ARHGAP42: variants seen among roughly 807,000 people sequenced by gnomAD.
ARHGAP42 encodes rho GTPase-activating protein 42.
ARHGAP42 carries 63 observed loss-of-function variants against 125.0 expected under a neutral mutation model. The observed-to-expected ratio is 0.50, with a 90% CI of 0.41 to 0.62. ARHGAP42 has a LOEUF of 0.62. Ranked by LOEUF, ARHGAP42 falls within the 20% of genes least tolerant of loss-of-function variation. The pLI, the probability that ARHGAP42 is intolerant of heterozygous loss-of-function variation, is 0.00. For synonymous variants in ARHGAP42, 339 were observed against 351.0 expected (o/e 0.97, Z 0.38); for missense variants, 766 against 1,024.2 (o/e 0.75, Z 3.44).
At chr11:100,910,937 A>G (rs1440493158) in intron 4 of ARHGAP42, among the ~76,000 whole-genome samples, 1 of 152,112 alleles carries the variant, frequency 6.6e-6, no homozygotes, top group Non-Finnish European at 1.5e-5. Context: ...TTGTATTGCC[A>G]GAAATGCTGA....
chr11:100,857,453 T>C (rs1002901196), intron 3 of ARHGAP42, among the ~76,000 whole-genome samples: 2 of 152,128 alleles, frequency 1.3e-5, no homozygotes, highest in African/African-American at 4.8e-5. Flanking sequence ...TCTTAGGATA[T>C]GACATCAGCC....
At chr11:100,824,321 T>C (rs1864464463) in intron 3 of ARHGAP42, among the ~76,000 whole-genome samples, 1 of 152,174 alleles carries the variant, frequency 6.6e-6, no homozygotes, top group East Asian at 1.9e-4. Context: ...AGTTTAATGA[T>C]GCTTGCTTTA....
chr11:100,959,538 C>A (rs7933033), intron 12 of ARHGAP42, among the ~76,000 whole-genome samples: 89,492 of 151,720 alleles, frequency 0.59, 27,177 homozygotes, highest in African/African-American at 0.68. Flanking sequence ...CTTTATAATA[C>A]AAGTTTCAAT....
At chr11:100,778,579 A>T (rs2135003748) in intron 2 of ARHGAP42, among the ~76,000 whole-genome samples, 1 of 151,542 alleles carries the variant, frequency 6.6e-6, no homozygotes, top group East Asian at 1.9e-4. Context: ...TTTTTAAACC[A>T]CCCTTATTTT....
chr11:100,923,176 C>T (rs1591298245), intron 6 of ARHGAP42, among the ~76,000 whole-genome samples: 2 of 152,106 alleles, frequency 1.3e-5, no homozygotes, highest in African/African-American at 4.8e-5. Flanking sequence ...TTGACTAAGT[C>T]CCACCCCAGA....
intron 5 of ARHGAP42, among the ~76,000 whole-genome samples, chr11:100,918,505 G>A (rs1867140177): frequency 6.6e-6 from 1 of 152,126 alleles, no homozygotes; most frequent in African/African-American, 2.4e-5. Context: ...CTCTCTTTCA[G>A]TTTTAAAATT....
At chr11:100,934,651 A>G (rs1010793769) in intron 7 of ARHGAP42, among the ~76,000 whole-genome samples, 2 of 152,360 alleles carry the variant, frequency 1.3e-5, no homozygotes, top group South Asian at 2.1e-4. Context: ...AGGTTTTACT[A>G]TAACTGAAAC....
chr11:100,982,293 A>G (rs1269199683), intron 22 of ARHGAP42, among the ~76,000 whole-genome samples: 1 of 152,174 alleles, frequency 6.6e-6, no homozygotes, highest in African/African-American at 2.4e-5. Context: ...GTTCACTGGA[A>G]TGGGAGGGAC....
At chr11:100,919,261 A>G (rs1470270280) in intron 5 of ARHGAP42, among the ~76,000 whole-genome samples, 1 of 152,182 alleles carries the variant, frequency 6.6e-6, no homozygotes, top group African/African-American at 2.4e-5. Flanking sequence ...CCCAAATTCC[A>G]AACTCCCAGA....
intron 2 of ARHGAP42, among the ~76,000 whole-genome samples, chr11:100,792,259 A>G (rs769204678): frequency 2.6e-5 from 4 of 152,240 alleles, no homozygotes; most frequent in Non-Finnish European, 4.4e-5. Flanking sequence ...GAAATTTAAT[A>G]AATAAAGGAT....
intron 5 of ARHGAP42, among the ~76,000 whole-genome samples, 176 bp from the exon 6 acceptor site, chr11:100,921,316 CTG>C (rs1209047980): frequency 8.4e-6 from 1 of 118,480 alleles, no homozygotes; most frequent in Non-Finnish European, 1.6e-5. Context: ...GTGTATGTGT[CTG>C]TGTGTGTGAG....
intron 4 of ARHGAP42, among the ~76,000 whole-genome samples, chr11:100,893,715 A>G (rs1162125877): frequency 6.6e-6 from 1 of 152,128 alleles, no homozygotes; most frequent in African/African-American, 2.4e-5. Flanking sequence ...TATTAGTAAT[A>G]ATTAATTTTG....
At chr11:100,923,163 C>G (rs1246900642) in intron 6 of ARHGAP42, among the ~76,000 whole-genome samples, 1 of 152,108 alleles carries the variant, frequency 6.6e-6, no homozygotes, top group East Asian at 1.9e-4. Context: ...GTTCACCTTC[C>G]CATTGACTAA....
rs371476873 is a variant in ARHGAP42, at chr11:100,756,501, GATAAGAA to G, written c.155-13841_155-13835del. Among the ~76,000 whole-genome samples the G allele has an allele frequency of 4.6e-3, 706 of 152,280 alleles. 3 individuals are homozygous for G. Among genetic ancestry groups the G allele is most frequent in the African/African-American group, 0.016 (670 of 41,556 alleles). ...AATTTGTAGTATTTGTGGAACCGAT[GATAAGAA>G]GTTTTGAAGTAAGCCAAAAATGCTT... is the stretch of plus-strand genomic sequence containing the variant. On this transcript the variant is annotated intron_variant, in intron 1 of 23. Coordinates refer to ENST00000298815, the MANE Select transcript of ARHGAP42 (RefSeq NM_152432.4).
chr11:100,984,617 A>G lies in ARHGAP42; in HGVS notation c.2457-2896A>G, dbSNP rs999399742. ...ACACTGACCCAATCAAACTTTTGTT[A>G]AGTTTCCTCATTAAATGCATTAGAC... On this transcript the variant is annotated intron_variant, in intron 22 of 23. Coordinates refer to ENST00000298815, the MANE Select transcript of ARHGAP42 (RefSeq NM_152432.4). Among the ~76,000 whole-genome samples the G allele has an allele frequency of 5.9e-5, 9 of 152,018 alleles. No homozygotes were observed. In the East Asian group the frequency reaches 1.7e-3, roughly 29 times the overall value.
At chr11:100,853,493 A>G (rs545721583) in intron 3 of ARHGAP42, among the ~76,000 whole-genome samples, 1 of 152,322 alleles carries the variant, frequency 6.6e-6, no homozygotes, top group South Asian at 2.1e-4. Flanking sequence ...CAGAACAAGA[A>G]GAAGGATACA....
chr11:100,962,640 G>T (rs970296891), intron 16 of ARHGAP42, among the ~76,000 whole-genome samples, 173 bp downstream of exon 16: 1 of 152,062 alleles, frequency 6.6e-6, no homozygotes, highest in African/African-American at 2.4e-5. Context: ...ACTTTGGGAG[G>T]CCAAGGCTGG....
At chr11:100,798,750 C>T (rs1186196744) in intron 3 of ARHGAP42, among the ~76,000 whole-genome samples, 1 of 151,978 alleles carries the variant, frequency 6.6e-6, no homozygotes, top group Non-Finnish European at 1.5e-5. Flanking sequence ...GAACTGAACC[C>T]ACAATATCTC....
At chr11:100,775,658 G>T (rs1412887018) in intron 2 of ARHGAP42, among the ~76,000 whole-genome samples, 1 of 152,198 alleles carries the variant, frequency 6.6e-6, no homozygotes, top group African/African-American at 2.4e-5. Flanking sequence ...CTGCCTATGA[G>T]ACGGGTTGTT....
Sources: allele counts gnomAD v4.1 joint callset (sites outside exome capture counted in the v4.1 genomes callset), GRCh38; gene constraint gnomAD v4.1.1; transcripts MANE v1.5; gene names NCBI Gene and HGNC (gene_info 2026-07-23, HGNC 2026-07-21).